Variants in INSYN2A observed in about 807,000 individuals in gnomAD.
INSYN2A encodes family with sequence similarity 196 member A.
In INSYN2A, 17 loss-of-function variants were observed where a neutral mutation model predicts 39.4. That is an observed-to-expected ratio of 0.43 (90% confidence interval 0.30 to 0.65). INSYN2A has a LOEUF of 0.65. INSYN2A is among the 30% of genes least tolerant of loss of function. INSYN2A has a pLI of 0.14. For synonymous variants in INSYN2A, 255 were observed against 265.7 expected (o/e 0.96, Z 0.39); for missense variants, 595 against 631.2 (o/e 0.94, Z 0.61).
rs879162375 is a variant in INSYN2A at position 127,136,579 on chromosome 10, T to C, written c.*1258A>G. 2.0e-5 allele frequency: 3 copies of C among 152,166 alleles called. No homozygotes were observed. In the South Asian group the frequency reaches 6.3e-4, roughly 32 times the overall value. The allele number at this position is 152,166 out of a possible 1,614,324, so 9.4% of individuals were successfully genotyped here. A position where few individuals can be genotyped will look rare whatever the true frequency, so the allele number is the denominator to read the frequency against. ...AATAGACTAGGGGATTTGATTTCTA[T>C]AAAAAGATACTTGCAAAGGTGCAAA... On this transcript the variant is annotated 3_prime_UTR_variant, in exon 6 of 6. Coordinates refer to ENST00000522781, the MANE Select transcript of INSYN2A (RefSeq NM_001039762.3).
At chr10:127,169,647 G>A (rs2054382608) in intron 4 of INSYN2A, among the ~76,000 whole-genome samples, 1 of 152,144 alleles carries the variant, frequency 6.6e-6, no homozygotes, top group Non-Finnish European at 1.5e-5. Context: ...CAATGGCAGA[G>A]TTGAATCATT....
rs2050761367 is a variant in INSYN2A, at chr10:127,137,029, C to G, written c.*808G>C. On this transcript the variant is annotated 3_prime_UTR_variant, in exon 6 of 6. Coordinates refer to ENST00000522781, the MANE Select transcript of INSYN2A (RefSeq NM_001039762.3). Reference sequence around the variant, plus strand: ...ATTCTTGCCAGAATGTATTATTTGGCCTTTGGGTACCAAAAGATTAAAAAT... The same window carrying G: ...ATTCTTGCCAGAATGTATTATTTGGGCTTTGGGTACCAAAAGATTAAAAAT... 6.6e-6 allele frequency: 1 copy of G among 152,496 alleles called. No homozygotes were observed. Among genetic ancestry groups the G allele is most frequent in the Admixed American group, 6.6e-5 (1 of 15,248 alleles). The allele number at this position is 152,496 out of a possible 1,614,324, so 9.4% of individuals were successfully genotyped here.
chr10:127,145,875 G>T lies in INSYN2A; in HGVS notation c.1257-7855C>A, dbSNP rs200519949. ...CATTAGCTGCTTGTGTGTGTCATCT[G>T]GTGTCACCAGTGACCGGTCTAAACG... On this transcript the variant is annotated intron_variant, in intron 5 of 5. Transcript: ENST00000522781. 32 of 409,518 alleles carry T rather than the reference G, an allele frequency of 7.8e-5. No individual in the cohort carries two copies. In the East Asian group the frequency reaches 1.7e-3, roughly 22 times the overall value. The allele number at this position is 409,518 out of a possible 1,614,324, so 25.4% of individuals were successfully genotyped here. A position where few individuals can be genotyped will look rare whatever the true frequency, so the allele number is the denominator to read the frequency against.
At chr10:127,188,879 G>A (rs972168449) in intron 2 of INSYN2A, among the ~76,000 whole-genome samples, 4 of 152,242 alleles carry the variant, frequency 2.6e-5, no homozygotes, top group Admixed American at 2.6e-4. Flanking sequence ...CAGAGGCACA[G>A]GTAGTGGAGT....
chr10:127,154,740 G>A (rs2052868106), intron 4 of INSYN2A, among the ~76,000 whole-genome samples: 1 of 152,158 alleles, frequency 6.6e-6, no homozygotes, highest in Admixed American at 6.5e-5. Context: ...CTTTGTAGGG[G>A]AGGTTGCTAA....
chr10:127,175,460 C>G lies in INSYN2A; in HGVS notation c.936G>C (p.Gln312His), dbSNP rs2055004263. ...GCTCACTACATTCGGGGGACAGGCA[C>G]TGCATCGGGGGTGAGCAGGCCAGGG... ...ETALACSPPM[Q>H]CLSPECSEQP... The change falls in exon 4 of 6, where the codon CAG becomes CAC. Residue 312 changes from glutamine (Q) to histidine (H), a missense_variant. Transcript: ENST00000522781. This position sits in a 1 kb window ranked among gnomAD's most constrained non-coding sequence, Gnocchi z 6.3. 1 of 1,610,762 alleles carries G rather than the reference C, an allele frequency of 6.2e-7. No individual in the cohort carries two copies. The highest frequency in any genetic ancestry group is 1.3e-5 in the African/African-American group (1 of 74,938).
At chr10:127,173,599 C>T (rs912684957) in intron 4 of INSYN2A, among the ~76,000 whole-genome samples, 3 of 152,174 alleles carry the variant, frequency 2.0e-5, no homozygotes, top group African/African-American at 7.2e-5. Context: ...CTTTATTTCA[C>T]CAAAGATGTT....
At chr10:127,145,071 C>T (rs555193069) in intron 5 of INSYN2A, among the ~76,000 whole-genome samples, 3 of 152,304 alleles carry the variant, frequency 2.0e-5, no homozygotes, top group Admixed American at 6.5e-5. Context: ...CGTGACCATA[C>T]TGGAGAACTT....
intron 4 of INSYN2A, among the ~76,000 whole-genome samples, chr10:127,170,400 GA>G (rs1294484547): frequency 1.3e-5 from 2 of 152,156 alleles, no homozygotes; most frequent in Non-Finnish European, 2.9e-5. Context: ...GCCCATAGAA[GA>G]ATCTGCTTCA....
rs57503481 is a variant in INSYN2A at position 127,148,030 on chromosome 10, C to CAA, written c.1256+5820_1256+5821dup. On this transcript the variant is annotated intron_variant, in intron 5 of 5. Coordinates refer to ENST00000522781, the MANE Select transcript of INSYN2A (RefSeq NM_001039762.3). ...TGGGCAACAGAGTGAGACTCTGTCTCAAAAAAAAAAAAAAAAAAAAAAAAA... is the reference window on the plus strand; with the variant it reads ...TGGGCAACAGAGTGAGACTCTGTCTCAAAAAAAAAAAAAAAAAAAAAAAAAAA... 2.6e-3 allele frequency among the ~76,000 whole-genome samples: 163 copies of CAA among 63,292 alleles called. 4 individuals are homozygous for CAA. Among genetic ancestry groups the CAA allele is most frequent in the South Asian group, 6.8e-3 (6 of 888 alleles). 41.5% of individuals were successfully genotyped at this position (63,292 alleles called of 152,430 possible). A position where few individuals can be genotyped will look rare whatever the true frequency, so the allele number is the denominator to read the frequency against.
At chr10:127,165,738 T>C (rs2054015013) in intron 4 of INSYN2A, among the ~76,000 whole-genome samples, 1 of 152,142 alleles carries the variant, frequency 6.6e-6, no homozygotes, top group Admixed American at 6.5e-5. Flanking sequence ...CCAGGCAGGT[T>C]CCTCAAGGAG....
chr10:127,194,202 C>T (rs2056940472), intron 1 of INSYN2A, among the ~76,000 whole-genome samples: 1 of 152,174 alleles, frequency 6.6e-6, no homozygotes, highest in Non-Finnish European at 1.5e-5. Flanking sequence ...GTAATTTATG[C>T]AAAATCATGC....
At chr10:127,160,790 T>C (rs1388626761) in intron 4 of INSYN2A, among the ~76,000 whole-genome samples, 1 of 152,230 alleles carries the variant, frequency 6.6e-6, no homozygotes, top group Non-Finnish European at 1.5e-5. Context: ...GTTAATTTAT[T>C]CTCTTAAGTT....
intron 5 of INSYN2A, among the ~76,000 whole-genome samples, chr10:127,144,294 T>A (rs1592205080): frequency 6.6e-6 from 1 of 152,096 alleles, no homozygotes; most frequent in African/African-American, 2.4e-5. Flanking sequence ...AATAACAAAG[T>A]CCACCCTCCC....
At chr10:127,165,945 G>A (rs748789225) in intron 4 of INSYN2A, among the ~76,000 whole-genome samples, 11 of 152,200 alleles carry the variant, frequency 7.2e-5, no homozygotes, top group Non-Finnish European at 1.5e-4. Flanking sequence ...AGATGAATTG[G>A]CATGAACCCT....
rs182813245 is a variant in INSYN2A at position 127,151,159 on chromosome 10, A to C, written c.1256+2693T>G. ...CCAACATAATAACCACCTTAAGAGT[A>C]ATCGTTAAACTTTAATTATTTCCAT... is the stretch of plus-strand genomic sequence containing the variant. On this transcript the variant is annotated intron_variant, in intron 5 of 5. Transcript: ENST00000522781. 8.4e-4 allele frequency among the ~76,000 whole-genome samples: 128 copies of C among 152,340 alleles called. 2 individuals are homozygous for C. Among genetic ancestry groups the C allele is most frequent in the African/African-American group, 3.0e-3 (123 of 41,584 alleles).
At chr10:127,182,917 G>A (rs555671265) in intron 2 of INSYN2A, among the ~76,000 whole-genome samples, 4 of 152,236 alleles carry the variant, frequency 2.6e-5, no homozygotes, top group African/African-American at 7.2e-5. Flanking sequence ...CAATCAGCTG[G>A]TAGTTTGGGG....
At chr10:127,173,768 T>C (rs1416882183) in intron 4 of INSYN2A, among the ~76,000 whole-genome samples, 1 of 152,218 alleles carries the variant, frequency 6.6e-6, no homozygotes, top group African/African-American at 2.4e-5. Context: ...AGTGTTGCTT[T>C]TGGATCTGTA....
chr10:127,168,615 G>C (rs1310894835), intron 4 of INSYN2A, among the ~76,000 whole-genome samples: 1 of 152,222 alleles, frequency 6.6e-6, no homozygotes. Flanking sequence ...AGCTAACCAG[G>C]TGGAAGACTT....
Sources: gnomAD v4.1 joint callset for allele counts (sites outside exome capture counted in the v4.1 genomes callset) on GRCh38, gnomAD v4.1.1 for gene constraint, Gnocchi (gnomAD v3.1) non-coding constraint, MANE v1.5 for transcripts, NCBI Gene and HGNC (gene_info 2026-07-23, HGNC 2026-07-21) for gene names.